TGFBR2: variants seen among roughly 807,000 people sequenced by gnomAD.
TGFBR2 encodes transforming growth factor beta receptor 2.
Under a neutral mutation model 49.0 loss-of-function variants are expected in TGFBR2, and 18 were observed. The ratio of observed to expected loss-of-function variants is 0.37; its 90% confidence interval spans 0.25 to 0.54. TGFBR2 has a LOEUF of 0.54. Ranked by LOEUF, TGFBR2 falls within the 20% of genes least tolerant of loss-of-function variation. The pLI, the probability that TGFBR2 is intolerant of heterozygous loss-of-function variation, is 0.85. For missense variants in TGFBR2, 525 were observed against 722.6 expected (o/e 0.73, Z 3.13); for synonymous variants, 282 against 275.9 (o/e 1.02, Z -0.22).
intron 1 of TGFBR2, among the ~76,000 whole-genome samples, chr3:30,638,282 G>A (rs192973303): frequency 2.4e-4 from 37 of 152,256 alleles, no homozygotes; most frequent in Admixed American, 1.9e-3. Flanking sequence ...GAATTATAAG[G>A]CATTGTCATT....
chr3:30,684,646 C>T (rs1292335265), intron 5 of TGFBR2, among the ~76,000 whole-genome samples: 1 of 152,126 alleles, frequency 6.6e-6, no homozygotes, highest in Non-Finnish European at 1.5e-5. Context: ...TCAGACTACC[C>T]GTGACCTCCC....
chr3:30,679,695 A>C (rs1699505815), intron 5 of TGFBR2, among the ~76,000 whole-genome samples: 1 of 152,228 alleles, frequency 6.6e-6, no homozygotes, highest in African/African-American at 2.4e-5. Context: ...CCCATTTTAC[A>C]ATAAGAGAAC....
intron 5 of TGFBR2, among the ~76,000 whole-genome samples, chr3:30,679,907 C>A (rs1209801715): frequency 1.3e-5 from 2 of 152,202 alleles, no homozygotes; most frequent in South Asian, 4.1e-4. Flanking sequence ...GAAGGCAGAT[C>A]ATGAGGTCAG....
At chr3:30,685,716 G>A (rs1300731182) in intron 5 of TGFBR2, among the ~76,000 whole-genome samples, 1 of 152,158 alleles carries the variant, frequency 6.6e-6, no homozygotes, top group Non-Finnish European at 1.5e-5. Flanking sequence ...CGAATCTCTA[G>A]GATAGGCAAC....
At chr3:30,685,094 A>C (rs17029858) in intron 5 of TGFBR2, among the ~76,000 whole-genome samples, 2,642 of 152,232 alleles carry the variant, frequency 0.017, 68 homozygotes, top group African/African-American at 0.059. Context: ...TCCTCCTCTG[A>C]TGTTGGTCAT....
rs191131387 is a variant in TGFBR2 at position 30,637,674 on chromosome 3, C to T, written c.95-7073C>T. Among the ~76,000 whole-genome samples, 3 of 152,306 alleles carry T rather than the reference C, an allele frequency of 2.0e-5. No homozygotes were observed. The East Asian group carries it at 5.8e-4, about 29-fold the overall frequency. On this transcript the variant is annotated intron_variant, in intron 1 of 6. Transcript: ENST00000295754. Reference sequence around the variant, plus strand: ...GAATGCTATAGCCTGGGCTTCAACACTTATAAAGATAGCCACATGGAGCTG... The same window carrying T: ...GAATGCTATAGCCTGGGCTTCAACATTTATAAAGATAGCCACATGGAGCTG...
At position 30,652,549 on chromosome 3, in the gene TGFBR2, G is replaced by C. The variant is rs116819441; in HGVS notation, c.454+2089G>C. Among the ~76,000 whole-genome samples, 1,042 of 152,188 alleles carry C rather than the reference G, an allele frequency of 6.8e-3. 17 individuals carry two copies. The highest frequency in any genetic ancestry group is 0.024 in the African/African-American group (1,003 of 41,512). On this transcript the variant is annotated intron_variant, in intron 3 of 6. Coordinates refer to ENST00000295754, the MANE Select transcript of TGFBR2 (RefSeq NM_003242.6). ...GTGCTTGGCCTCATGTTCTTTATGT[G>C]ATTTGAGTTAGGAGGGAAATCTAAA...
intron 3 of TGFBR2, among the ~76,000 whole-genome samples, chr3:30,669,007 G>C (rs6789143): frequency 0.58 from 87,978 of 151,516 alleles, 27,289 homozygotes; most frequent in Non-Finnish European, 0.7. Context: ...GCCAAGCGCA[G>C]TGGCTCACGC....
intron 3 of TGFBR2, among the ~76,000 whole-genome samples, chr3:30,658,549 A>T (rs1378818736): frequency 6.6e-6 from 1 of 152,216 alleles, no homozygotes; most frequent in African/African-American, 2.4e-5. Context: ...CATAAGATGT[A>T]TGCCCAGTGG....
At position 30,611,583 on chromosome 3, in the gene TGFBR2, T is replaced by C. The variant is rs529531448; in HGVS notation, c.94+4606T>C. On this transcript the variant is annotated intron_variant, in intron 1 of 6. Coordinates refer to ENST00000295754, the MANE Select transcript of TGFBR2 (RefSeq NM_003242.6). ...ATTATCCAGTAGATACTGATTCCTC[T>C]TTTTTTTTTTTTTCATAGAAGGGTG... Among the ~76,000 whole-genome samples, 49 of 134,368 alleles carry C rather than the reference T, an allele frequency of 3.6e-4. 1 individual carries two copies. In the South Asian group the frequency reaches 6.1e-3, roughly 17 times the overall value. The allele number at this position is 134,368 out of a possible 152,430, so 88.2% of individuals were successfully genotyped here.
rs1213881261 is a variant in TGFBR2 at position 30,607,781 on chromosome 3, AAAAAAT to A, written c.94+816_94+821del. 4.0e-3 allele frequency among the ~76,000 whole-genome samples: 559 copies of A among 139,036 alleles called. 1 individual carries two copies. Among genetic ancestry groups the A allele is most frequent in the Middle Eastern group, 7.2e-3 (2 of 278 alleles). 91.2% of individuals were successfully genotyped at this position (139,036 alleles called of 152,430 possible). On this transcript the variant is annotated intron_variant, in intron 1 of 6. Transcript: ENST00000295754. ...TCGCTGTCTCTGAAGGTTTTTAAGG[AAAAAAT>A]AAAAATAAAAAAATATATATATATA... is the stretch of plus-strand genomic sequence containing the variant.
intron 3 of TGFBR2, 46 bp downstream of exon 3, chr3:30,650,506 A>AT: frequency 1.2e-6 from 2 of 1,600,876 alleles, no homozygotes; most frequent in South Asian, 1.1e-5. Flanking sequence ...ATCTGTGCCA[A>AT]TTTTTTGTAT....
At chr3:30,633,418 A>G (rs572342843) in intron 1 of TGFBR2, among the ~76,000 whole-genome samples, 2 of 152,382 alleles carry the variant, frequency 1.3e-5, no homozygotes, top group South Asian at 4.1e-4. Context: ...GATTATACAC[A>G]TTAGAGAATT....
intron 1 of TGFBR2, among the ~76,000 whole-genome samples, chr3:30,627,006 G>C (rs956235775): frequency 6.6e-6 from 1 of 152,190 alleles, no homozygotes; most frequent in Non-Finnish European, 1.5e-5. Flanking sequence ...GGGGAATGAC[G>C]TAATAAAACC....
At chr3:30,630,785 T>TCTGCTATGTGATGACACA (rs1698421286) in intron 1 of TGFBR2, among the ~76,000 whole-genome samples, 1 of 152,152 alleles carries the variant, frequency 6.6e-6, no homozygotes, top group African/African-American at 2.4e-5. Flanking sequence ...CCTTCCATTT[T>TCTGCTATGTGATGACACA]CTGCTATGTG....
chr3:30,658,203 C>G (rs192264646), intron 3 of TGFBR2, among the ~76,000 whole-genome samples: 6 of 152,338 alleles, frequency 3.9e-5, no homozygotes, highest in African/African-American at 7.2e-5. Flanking sequence ...TTGTGTTTCT[C>G]TCTCAAATGC....
At chr3:30,681,294 C>T (rs1258053023) in intron 5 of TGFBR2, among the ~76,000 whole-genome samples, 6 of 152,058 alleles carry the variant, frequency 3.9e-5, no homozygotes, top group Admixed American at 1.3e-4. Context: ...CTTCATTTTC[C>T]TGGATTTCAA....
intron 1 of TGFBR2, among the ~76,000 whole-genome samples, chr3:30,632,172 A>G (rs1407973590): frequency 1.3e-5 from 2 of 152,192 alleles, no homozygotes; most frequent in African/African-American, 4.8e-5. Context: ...TTTTATTTCA[A>G]TATTTTAGAA....
chr3:30,609,560 A>G (rs988728911), intron 1 of TGFBR2, among the ~76,000 whole-genome samples: 20 of 152,296 alleles, frequency 1.3e-4, no homozygotes, highest in South Asian at 1.2e-3. Context: ...GACTTAATAG[A>G]TTCACTCTTC....
Sources: allele counts gnomAD v4.1 joint callset (sites outside exome capture counted in the v4.1 genomes callset), GRCh38; gene constraint gnomAD v4.1.1; transcripts MANE v1.5; gene names NCBI Gene and HGNC (gene_info 2026-07-23, HGNC 2026-07-21).